The following PPP2R5A variants were observed in gnomAD, a reference collection of about 807,000 sequenced individuals.
PPP2R5A encodes the protein serine/threonine-protein phosphatase 2A 56 kDa regulatory subunit alpha isoform.
In PPP2R5A, 25 loss-of-function variants were observed where a neutral mutation model predicts 64.2. The ratio of observed to expected loss-of-function variants is 0.39; its 90% CI spans 0.28 to 0.54. PPP2R5A has a LOEUF of 0.54. PPP2R5A is among the 20% of genes least tolerant of loss of function. The pLI is 0.67. For missense variants in PPP2R5A, 425 were observed against 576.3 expected (o/e 0.74, Z 2.69); for synonymous variants, 198 against 201.2 (o/e 0.98, Z 0.13).
chr1:212,322,939 C>G (rs183407487), intron 1 of PPP2R5A, among the ~76,000 whole-genome samples: 3 of 152,278 alleles, frequency 2.0e-5, no homozygotes, highest in Admixed American at 6.5e-5. Context: ...GTGCCTGCCA[C>G]CATGCCCGGC....
intron 1 of PPP2R5A, among the ~76,000 whole-genome samples, chr1:212,309,738 T>G (rs1658992686): frequency 6.6e-6 from 1 of 152,190 alleles, no homozygotes; most frequent in African/African-American, 2.4e-5. Context: ...GTATCCAACC[T>G]TTTGGCTTCC....
At chr1:212,352,696 T>C in intron 8 of PPP2R5A, 1 of 459,036 alleles carries the variant, frequency 2.2e-6, no homozygotes, top group Non-Finnish European at 4.3e-6. Flanking sequence ...GGCCCAAGCC[T>C]GCCTTGGCCT....
Position 212,358,766 on chromosome 1 carries a change from C to T in PPP2R5A, c.1307C>T (p.Ser436Leu). Reference sequence around the variant, plus strand: ...AAGCTTTTCGATGACCTTACTAGCTCATACAAAGCTGAAAGACAGAGGTAT... The same window carrying T: ...AAGCTTTTCGATGACCTTACTAGCTTATACAAAGCTGAAAGACAGAGGTAT... ...NGKLFDDLTS[S>L]YKAERQREKK... Residue 436 changes from serine (S) to leucine (L), a missense_variant, in exon 12 of 13, where the codon TCA becomes TTA. Transcript: ENST00000261461. 1 of 1,612,870 alleles carries T rather than the reference C, an allele frequency of 6.2e-7. No homozygotes were observed. Among genetic ancestry groups the T allele is most frequent in the Non-Finnish European group, 8.5e-7 (1 of 1,179,146 alleles).
At chr1:212,292,897 T>G (rs351398) in intron 1 of PPP2R5A, among the ~76,000 whole-genome samples, 45,779 of 152,136 alleles carry the variant, frequency 0.3, 7,397 homozygotes, top group Non-Finnish European at 0.37. Flanking sequence ...TGCCTAAAAC[T>G]GGTTCAGGAT....
At chr1:212,329,399 A>G in intron 2 of PPP2R5A, 68 bp downstream of exon 2, 1 of 1,267,366 alleles carries the variant, frequency 7.9e-7, no homozygotes, top group South Asian at 1.9e-5. Context: ...TAATGAATTG[A>G]GACTGATTTT....
chr1:212,331,704 C>G (rs545303057), intron 2 of PPP2R5A: 1 of 152,198 alleles, frequency 6.6e-6, no homozygotes, highest in East Asian at 1.9e-4. Context: ...GGGAATTAAT[C>G]TCTAAAATTG....
At chr1:212,335,776 T>G (rs1659584333) in intron 3 of PPP2R5A, among the ~76,000 whole-genome samples, 1 of 152,220 alleles carries the variant, frequency 6.6e-6, no homozygotes, top group Admixed American at 6.5e-5. Context: ...TTAATAATGC[T>G]GTATATGAAA....
intron 1 of PPP2R5A, among the ~76,000 whole-genome samples, chr1:212,311,497 A>G (rs1351750317): frequency 6.6e-6 from 1 of 152,198 alleles, no homozygotes; most frequent in Admixed American, 6.5e-5. Flanking sequence ...AGCATATACA[A>G]TTATGTACAA....
chr1:212,289,721 C>T (rs1162148307), intron 1 of PPP2R5A, among the ~76,000 whole-genome samples: 1 of 151,908 alleles, frequency 6.6e-6, no homozygotes, highest in Admixed American at 6.6e-5. Flanking sequence ...TGTTAGTTCC[C>T]ATTCTCTTAA....
In PPP2R5A at chr1:212,361,671, G is replaced by C. The variant is rs1660085447; in HGVS notation, c.*901G>C. The C allele has an allele frequency of 6.6e-6, 1 of 152,668 alleles. No individual in the cohort carries two copies. Among genetic ancestry groups the C allele is most frequent in the South Asian group, 2.1e-4 (1 of 4,834 alleles). The allele number at this position is 152,668 out of a possible 1,614,324, so 9.5% of individuals were successfully genotyped here. A position where few individuals can be genotyped will look rare whatever the true frequency, so the allele number is the denominator to read the frequency against. ...GGAACTGCAGTAGGCTTCCTCTGTAGAGCTCTGAAAAGGTTGACTATATAG... is the reference window on the plus strand; with the variant it reads ...GGAACTGCAGTAGGCTTCCTCTGTACAGCTCTGAAAAGGTTGACTATATAG... On this transcript the variant is annotated 3_prime_UTR_variant, in exon 13 of 13. Coordinates refer to ENST00000261461, the MANE Select transcript of PPP2R5A (RefSeq NM_006243.4).
chr1:212,321,216 A>C (rs1659281058), intron 1 of PPP2R5A, among the ~76,000 whole-genome samples: 1 of 139,120 alleles, frequency 7.2e-6, no homozygotes, highest in South Asian at 2.3e-4. Flanking sequence ...TCCTTCCCAG[A>C]CGGGGCGGCT....
At position 212,356,941 on chromosome 1, in the gene PPP2R5A, T is replaced by G. The variant is rs779837074; in HGVS notation, c.979-9T>G. On this transcript the variant is annotated splice_polypyrimidine_tract_variant and intron_variant, in intron 9 of 12. Coordinates refer to ENST00000261461, the MANE Select transcript of PPP2R5A (RefSeq NM_006243.4). ...TCATGTTTCTTAAAATAAAATTTTT[T>G]TAACCTAGGTGATGTTTTTAGGAGA... 24 of 1,528,250 alleles carry G rather than the reference T, an allele frequency of 1.6e-5. No homozygotes were observed. Among genetic ancestry groups the G allele is most frequent in the Non-Finnish European group, 2.1e-5 (24 of 1,128,744 alleles). 94.7% of individuals were successfully genotyped at this position (1,528,250 alleles called of 1,614,324 possible).
rs146777998 is a variant in PPP2R5A, at chr1:212,292,223, A to T, written c.181+5932A>T. Among the ~76,000 whole-genome samples the T allele has an allele frequency of 4.4e-3, 670 of 152,306 alleles. 4 individuals carry two copies. Among genetic ancestry groups the T allele is most frequent in the South Asian group, 9.3e-3 (45 of 4,816 alleles). Reference sequence around the variant, plus strand: ...GAGAACTCAGGGCTGCTTATATTCCATATTCCTATTTTGTCTTTGTCTTTT... The same window carrying T: ...GAGAACTCAGGGCTGCTTATATTCCTTATTCCTATTTTGTCTTTGTCTTTT... On this transcript the variant is annotated intron_variant, in intron 1 of 12. Transcript: ENST00000261461.
chr1:212,306,839 C>T (rs1384180757), intron 1 of PPP2R5A: 1 of 152,012 alleles, frequency 6.6e-6, no homozygotes, highest in African/African-American at 2.4e-5. Context: ...CTCACTGCAA[C>T]CTCTGCTGCC....
chr1:212,297,467 G>A (rs1036416620), intron 1 of PPP2R5A: 12 of 152,126 alleles, frequency 7.9e-5, no homozygotes, highest in South Asian at 2.1e-4. Context: ...TGAAAAGTGA[G>A]TGGAAATTGT....
chr1:212,331,131 G>A (rs2102433995), intron 2 of PPP2R5A, among the ~76,000 whole-genome samples: 1 of 148,114 alleles, frequency 6.8e-6, no homozygotes, highest in South Asian at 2.1e-4. Flanking sequence ...TTGTGCCACT[G>A]CACTCCAGGC....
chr1:212,354,011 C>T (rs1015061265), intron 8 of PPP2R5A, among the ~76,000 whole-genome samples: 16 of 151,894 alleles, frequency 1.1e-4, no homozygotes, highest in African/African-American at 1.9e-4. Context: ...AGTGAAACCC[C>T]GTCTCTACTA....
At chr1:212,291,482 C>T (rs1658601023) in intron 1 of PPP2R5A, among the ~76,000 whole-genome samples, 1 of 152,348 alleles carries the variant, frequency 6.6e-6, no homozygotes, top group East Asian at 1.9e-4. Context: ...GTAAAATCCA[C>T]TTACAGTATT....
At chr1:212,288,875 T>C (rs1467488933) in intron 1 of PPP2R5A, among the ~76,000 whole-genome samples, 1 of 138,436 alleles carries the variant, frequency 7.2e-6, no homozygotes, top group African/African-American at 2.7e-5. Flanking sequence ...CTTATGTTAC[T>C]TTGACCACAT....
Sources: gnomAD v4.1 joint callset for allele counts (sites outside exome capture counted in the v4.1 genomes callset) on GRCh38, gnomAD v4.1.1 for gene constraint, MANE v1.5 for transcripts, NCBI Gene and HGNC (gene_info 2026-07-23, HGNC 2026-07-21) for gene names.